Variants in C1orf21 observed in about 807,000 individuals in gnomAD.
C1orf21 encodes chromosome 1 open reading frame 21, also known as uncharacterized protein C1orf21.
A neutral mutation model predicts 18.7 loss-of-function variants in C1orf21; 3 were observed. The ratio of observed to expected loss-of-function variants is 0.16; its 90% CI spans 0.07 to 0.42. The LOEUF is 0.42. Ranked by LOEUF, C1orf21 falls within the 10% of genes least tolerant of loss-of-function variation. The pLI is 0.99. For missense variants in C1orf21, 104 were observed against 143.6 expected (o/e 0.72, Z 1.41); for synonymous variants, 41 against 46.4 (o/e 0.88, Z 0.47).
chr1:184,501,436 C>T (rs1186087502), intron 2 of C1orf21, among the ~76,000 whole-genome samples: 1 of 152,180 alleles, frequency 6.6e-6, no homozygotes, highest in Non-Finnish European at 1.5e-5. Context: ...AGATATATCA[C>T]GTCCTCCAAG....
intron 5 of C1orf21, among the ~76,000 whole-genome samples, chr1:184,609,484 T>A (rs538819253): frequency 9.2e-5 from 14 of 152,280 alleles, no homozygotes; most frequent in Admixed American, 2.0e-4. Context: ...GGCAAATGAA[T>A]TAAAATGCCA....
At chr1:184,388,087 A>T (rs1330087598) in intron 1 of C1orf21, among the ~76,000 whole-genome samples, 1 of 152,174 alleles carries the variant, frequency 6.6e-6, no homozygotes, top group Non-Finnish European at 1.5e-5. Flanking sequence ...CTGCTGGTTA[A>T]TGTCCTTTCC....
intron 3 of C1orf21, among the ~76,000 whole-genome samples, chr1:184,515,228 A>AT (rs1032628333): frequency 8.5e-5 from 13 of 152,090 alleles, no homozygotes; most frequent in Non-Finnish European, 2.9e-5. Flanking sequence ...GTTAAAGGGG[A>AT]TTTTTATCTT....
intron 3 of C1orf21, among the ~76,000 whole-genome samples, chr1:184,562,991 C>A (rs947460682): frequency 1.3e-5 from 2 of 152,220 alleles, no homozygotes; most frequent in Admixed American, 6.5e-5. Context: ...ATAAGTGGTG[C>A]TCTGCTTTCT....
chr1:184,578,082 G>A (rs923471203), intron 3 of C1orf21, among the ~76,000 whole-genome samples: 6 of 149,686 alleles, frequency 4.0e-5, no homozygotes, highest in Non-Finnish European at 5.9e-5. Flanking sequence ...TCAGCCTCCC[G>A]AATAGCTGAG....
chr1:184,481,472 T>C (rs1657652892), intron 2 of C1orf21, among the ~76,000 whole-genome samples: 1 of 152,072 alleles, frequency 6.6e-6, no homozygotes, highest in South Asian at 2.1e-4. Flanking sequence ...GTCACATGAG[T>C]GAGCCCAAAG....
intron 2 of C1orf21, among the ~76,000 whole-genome samples, chr1:184,491,283 A>G (rs572575390): frequency 1.3e-5 from 2 of 152,150 alleles, no homozygotes; most frequent in Non-Finnish European, 2.9e-5. Flanking sequence ...AGAAAAAGCA[A>G]AACTTTTTCC....
chr1:184,473,611 AG>A (rs1657526576), intron 1 of C1orf21, among the ~76,000 whole-genome samples: 4 of 152,208 alleles, frequency 2.6e-5, no homozygotes, highest in Non-Finnish European at 5.9e-5. Context: ...ATTAAGTGAA[AG>A]AATTTTCGGT....
chr1:184,602,412 G>A (rs541048479), intron 5 of C1orf21, among the ~76,000 whole-genome samples: 144 of 152,302 alleles, frequency 9.5e-4, no homozygotes, highest in Non-Finnish European at 1.4e-3. Context: ...CTGTGAACCA[G>A]TGGGAGCCAC....
chr1:184,615,326 C>T (rs1659804874), intron 5 of C1orf21, among the ~76,000 whole-genome samples: 1 of 152,140 alleles, frequency 6.6e-6, no homozygotes, highest in South Asian at 2.1e-4. Flanking sequence ...AGTCTGCACC[C>T]GAAGGCACTC....
intron 3 of C1orf21, chr1:184,566,863 T>C (rs996039612): frequency 2.0e-6 from 1 of 493,384 alleles, no homozygotes; most frequent in South Asian, 1.6e-5. Context: ...ATGGAGTCAA[T>C]GTGACAACAG....
chr1:184,449,966 G>A (rs549584908), intron 1 of C1orf21, among the ~76,000 whole-genome samples: 1 of 152,292 alleles, frequency 6.6e-6, no homozygotes, highest in Non-Finnish European at 1.5e-5. Context: ...TCACAGAAAA[G>A]TCTCCTTCCT....
chr1:184,533,199 A>G (rs950343687), intron 3 of C1orf21, among the ~76,000 whole-genome samples: 1 of 150,802 alleles, frequency 6.6e-6, no homozygotes. Context: ...TAGAGCCTGC[A>G]CTCCTGCAGC....
intron 3 of C1orf21, among the ~76,000 whole-genome samples, chr1:184,529,402 A>G (rs2101972395): frequency 6.6e-6 from 1 of 152,344 alleles, no homozygotes; most frequent in East Asian, 1.9e-4. Context: ...GTGTCCACAT[A>G]TAATAAGAAC....
In C1orf21 at chr1:184,619,640, A is replaced by G. The variant is rs1475288607; in HGVS notation, c.*84A>G. On this transcript the variant is annotated 3_prime_UTR_variant, in exon 6 of 6. Coordinates refer to ENST00000235307, the MANE Select transcript of C1orf21 (RefSeq NM_030806.4). ...TGAAATCTTTGCAAAGGTCGGTTCT[A>G]TTCAGCGAACAGCACTATAGCAAAA... is the stretch of plus-strand genomic sequence containing the variant. The G allele has an allele frequency of 5.3e-6, 7 of 1,331,038 alleles. No homozygotes were observed. Among genetic ancestry groups the G allele is most frequent in the Admixed American group, 2.0e-5 (1 of 50,064 alleles). 82.5% of individuals were successfully genotyped at this position (1,331,038 alleles called of 1,614,324 possible). A position where few individuals can be genotyped will look rare whatever the true frequency, so the allele number is the denominator to read the frequency against.
intron 2 of C1orf21, among the ~76,000 whole-genome samples, chr1:184,483,880 A>G (rs2101993248): frequency 8.3e-6 from 1 of 120,426 alleles, no homozygotes; most frequent in East Asian, 2.7e-4. Flanking sequence ...GGTGGCTCAT[A>G]TCCACCTTTG....
At chr1:184,463,659 A>G (rs779201122) in intron 1 of C1orf21, among the ~76,000 whole-genome samples, 14 of 152,258 alleles carry the variant, frequency 9.2e-5, no homozygotes, top group Non-Finnish European at 1.6e-4. Context: ...GACAATGCAT[A>G]CAAGTTAACA....
intron 4 of C1orf21, among the ~76,000 whole-genome samples, chr1:184,595,893 G>GT (rs1379428949): frequency 6.6e-6 from 1 of 152,190 alleles, no homozygotes; most frequent in Non-Finnish European, 1.5e-5. Flanking sequence ...GCAAAGGCAG[G>GT]CAGGCATGTT....
intron 1 of C1orf21, among the ~76,000 whole-genome samples, chr1:184,400,643 T>C (rs1269326905): frequency 6.6e-6 from 1 of 152,208 alleles, no homozygotes. Context: ...GTATGGTTGT[T>C]TCTAATCTTT....
Sources: gnomAD v4.1 joint callset for allele counts (sites outside exome capture counted in the v4.1 genomes callset) on GRCh38, gnomAD v4.1.1 for gene constraint, MANE v1.5 for transcripts, NCBI Gene and HGNC (gene_info 2026-07-23, HGNC 2026-07-21) for gene names.